The following PXDC1 variants were observed in gnomAD, a reference collection of about 807,000 sequenced individuals.
PXDC1 encodes PX domain-containing protein 1.
In PXDC1, 13 loss-of-function variants were observed where a neutral mutation model predicts 24.4. The ratio of observed to expected loss-of-function variants is 0.53; its 90% confidence interval spans 0.35 to 0.85. PXDC1 has a LOEUF of 0.85. PXDC1 is among the 40% of genes least tolerant of loss of function. The pLI, the probability that PXDC1 is intolerant of heterozygous loss-of-function variation, is 0.01. For missense variants in PXDC1, 344 were observed against 309.3 expected, an observed-to-expected ratio of 1.11 and a Z score of -0.84; for synonymous variants, 162 against 124.9, an observed-to-expected ratio of 1.30 and a Z score of -1.98.
At chr6:3,735,038 C>CA (rs1487980873) in intron 3 of PXDC1, among the ~76,000 whole-genome samples, 1 of 152,094 alleles carries the variant, frequency 6.6e-6, no homozygotes, top group Non-Finnish European at 1.5e-5. Flanking sequence ...CCAGCCTGGG[C>CA]AACAGAGGGA....
intron 3 of PXDC1, among the ~76,000 whole-genome samples, chr6:3,735,209 G>A (rs1026482004): frequency 4.6e-5 from 7 of 152,082 alleles, no homozygotes; most frequent in South Asian, 4.1e-4. Context: ...CAAAATATAC[G>A]ACAGAGCTAC....
At chr6:3,726,270 A>G (rs1210158018) in intron 4 of PXDC1, among the ~76,000 whole-genome samples, 1 of 152,148 alleles carries the variant, frequency 6.6e-6, no homozygotes, top group East Asian at 1.9e-4. Context: ...TTCATCCATG[A>G]CTACACTCCA....
intron 1 of PXDC1, chr6:3,738,934 C>A (rs905550659): frequency 4.5e-5 from 58 of 1,301,682 alleles, no homozygotes; most frequent in Non-Finnish European, 5.9e-5. Context: ...TGGCGTCTCC[C>A]CCACACTTGT....
rs4959868 is a variant in PXDC1, at chr6:3,724,547, C to T, written c.579-811G>A. ...CCCCAGGAAGGGGGACAGAGCTGTACGGCTCGTGGGATTTTCCTCCACCTA... is the reference window on the plus strand; with the variant it reads ...CCCCAGGAAGGGGGACAGAGCTGTATGGCTCGTGGGATTTTCCTCCACCTA... On this transcript the variant is annotated intron_variant, in intron 4 of 4. Transcript: ENST00000380283. This position sits in a 1 kb window ranked among gnomAD's most constrained non-coding sequence, Gnocchi z 4.5. Among the ~76,000 whole-genome samples the T allele has an allele frequency of 0.5, 75,722 of 152,006 alleles. 20,618 individuals carry two copies. Among genetic ancestry groups the T allele is most frequent in the Non-Finnish European group, 0.61 (41,535 of 67,958 alleles).
In PXDC1 at chr6:3,725,386, C is replaced by T. The variant is rs1341401414; in HGVS notation, c.579-1650G>A. ...CCTGGATGACCTCCCAGAAGCCAGG[C>T]AATCCCTTCGCCAGCTGAGACTGTC... On this transcript the variant is annotated intron_variant, in intron 4 of 4. Transcript: ENST00000380283. The surrounding 1 kb of genome is among the most constrained non-coding windows in gnomAD (Gnocchi z 4.8). Among the ~76,000 whole-genome samples the T allele has an allele frequency of 1.3e-5, 2 of 152,202 alleles. No individual in the cohort carries two copies. The highest frequency in any genetic ancestry group is 2.4e-5 in the African/African-American group (1 of 41,450).
chr6:3,751,298 C>G lies in PXDC1; in HGVS notation c.234G>C (p.Leu78=), dbSNP rs1760711512. 6.5e-7 allele frequency: 1 copy of G among 1,532,788 alleles called. No homozygotes were observed. The highest frequency in any genetic ancestry group is 2.5e-5 in the East Asian group (1 of 39,774). 94.9% of individuals were successfully genotyped at this position (1,532,788 alleles called of 1,614,324 possible). A position where few individuals can be genotyped will look rare whatever the true frequency, so the allele number is the denominator to read the frequency against. ...CACCTTGCCGCAGCGGCCCCTGCGC[C>G]AGTTCGGACCGGTCCTCGGGAAAGG... is the stretch of plus-strand genomic sequence containing the variant. ...RDAFPEDRSE[L]AQGPLRQGLV... Residue 78 remains leucine, a synonymous_variant, in exon 1 of 5, where the codon CTG becomes CTC. Transcript: ENST00000380283.
rs1356512462 is a variant in PXDC1 at position 3,722,935 on chromosome 6, A to T, written c.*684T>A. The T allele has an allele frequency of 6.6e-6, 1 of 152,392 alleles. No individual in the cohort carries two copies. The highest frequency in any genetic ancestry group is 1.5e-5 in the Non-Finnish European group (1 of 68,158). The allele number at this position is 152,392 out of a possible 1,614,324, so 9.4% of individuals were successfully genotyped here. ...GAAGAAATTCCTTTCCTTTGGGAAG[A>T]ACCACCAACGCTCAGTCCAAGCTCA... On this transcript the variant is annotated 3_prime_UTR_variant, in exon 5 of 5. Coordinates refer to ENST00000380283, the MANE Select transcript of PXDC1 (RefSeq NM_183373.4).
rs1345504475 is a variant in PXDC1 at position 3,737,626 on chromosome 6, G to T, written c.349-430C>A. On this transcript the variant is annotated intron_variant, in intron 2 of 4. Coordinates refer to ENST00000380283, the MANE Select transcript of PXDC1 (RefSeq NM_183373.4). The surrounding 1 kb of genome is among the most constrained non-coding windows in gnomAD (Gnocchi z 5.5). Reference sequence around the variant, plus strand: ...AAGCCCGCAGGCTTACATGGAAAGGGAGTTGACGGTCAAATCCGGGCAACG... The same window carrying T: ...AAGCCCGCAGGCTTACATGGAAAGGTAGTTGACGGTCAAATCCGGGCAACG... 25 of 984,402 alleles carry T rather than the reference G, an allele frequency of 2.5e-5. No homozygotes were observed. Among genetic ancestry groups the T allele is most frequent in the Non-Finnish European group, 3.0e-5 (25 of 829,114 alleles). The allele number at this position is 984,402 out of a possible 1,614,324, so 61.0% of individuals were successfully genotyped here.
At chr6:3,734,153 C>T (rs1760265016) in intron 3 of PXDC1, among the ~76,000 whole-genome samples, 1 of 152,198 alleles carries the variant, frequency 6.6e-6, no homozygotes, top group African/African-American at 2.4e-5. Flanking sequence ...ACGTTTCTCC[C>T]TGTTAAATTT....
intron 1 of PXDC1, among the ~76,000 whole-genome samples, chr6:3,747,664 A>G: frequency 6.6e-6 from 1 of 152,072 alleles, no homozygotes; most frequent in East Asian, 1.9e-4. Flanking sequence ...CACCCTGTCT[A>G]AACGCAAAAC....
intron 1 of PXDC1, among the ~76,000 whole-genome samples, chr6:3,746,941 C>G (rs1467716253): frequency 6.6e-6 from 1 of 152,152 alleles, no homozygotes; most frequent in Non-Finnish European, 1.5e-5. Flanking sequence ...TCCCAGATGC[C>G]AGTCCCCTGG....
At chr6:3,747,955 C>G (rs183246209) in intron 1 of PXDC1, among the ~76,000 whole-genome samples, 19 of 152,326 alleles carry the variant, frequency 1.2e-4, no homozygotes, top group Middle Eastern at 3.4e-3. Flanking sequence ...TGAAAGATCA[C>G]CTGACTACTC....
At chr6:3,751,011 C>T in intron 1 of PXDC1, 1 of 441,040 alleles carries the variant, frequency 2.3e-6, no homozygotes, top group Non-Finnish European at 4.0e-6. Flanking sequence ...GAGAGTCCGG[C>T]GCCCGCCCTG....
At position 3,751,561 on chromosome 6, in the gene PXDC1, C is replaced by T. The variant is rs1297283498; in HGVS notation, c.-30G>A. 1.3e-6 allele frequency: 2 copies of T among 1,496,714 alleles called. No individual in the cohort carries two copies. Among genetic ancestry groups the T allele is most frequent in the African/African-American group, 1.4e-5 (1 of 69,064 alleles). 92.7% of individuals were successfully genotyped at this position (1,496,714 alleles called of 1,614,324 possible). ...CACGCATGCCCCCGCCAAGGGCTCCCCAGCCCCGCCGCCCGCCCGCCCGCA... is the reference window on the plus strand; with the variant it reads ...CACGCATGCCCCCGCCAAGGGCTCCTCAGCCCCGCCGCCCGCCCGCCCGCA... On this transcript the variant is annotated 5_prime_UTR_variant, in exon 1 of 5. Coordinates refer to ENST00000380283, the MANE Select transcript of PXDC1 (RefSeq NM_183373.4).
intron 1 of PXDC1, among the ~76,000 whole-genome samples, chr6:3,744,203 C>A (rs950144935): frequency 2.6e-5 from 4 of 152,220 alleles, no homozygotes; most frequent in African/African-American, 7.2e-5. Flanking sequence ...TTAGCCAGTC[C>A]GTCCTGCAGC....
At position 3,730,781 on chromosome 6, in the gene PXDC1, T is replaced by C. The variant is rs143593338; in HGVS notation, c.467-3119A>G. On this transcript the variant is annotated intron_variant, in intron 3 of 4. Coordinates refer to ENST00000380283, the MANE Select transcript of PXDC1 (RefSeq NM_183373.4). ...CCTGACTTGTAACAAAATCCACTGA[T>C]AACTTGCCATGTGCCTTCGGCCAGA... Among the ~76,000 whole-genome samples the C allele has an allele frequency of 1.8e-4, 27 of 152,344 alleles. No individual in the cohort carries two copies. In the East Asian group the frequency reaches 4.1e-3, roughly 23 times the overall value.
At chr6:3,727,287 G>A (rs1760089870) in intron 4 of PXDC1, among the ~76,000 whole-genome samples, 1 of 152,180 alleles carries the variant, frequency 6.6e-6, no homozygotes, top group Non-Finnish European at 1.5e-5. Flanking sequence ...ACCCCTCAGG[G>A]CCCCACACGA....
intron 1 of PXDC1, among the ~76,000 whole-genome samples, chr6:3,750,225 G>A (rs1002917720): frequency 6.6e-6 from 1 of 152,248 alleles, no homozygotes; most frequent in African/African-American, 2.4e-5. Context: ...CAGATAGGAG[G>A]CTGGGGAGAC....
At chr6:3,727,072 C>T (rs942114735) in intron 4 of PXDC1, among the ~76,000 whole-genome samples, 1 of 152,206 alleles carries the variant, frequency 6.6e-6, no homozygotes, top group African/African-American at 2.4e-5. Flanking sequence ...GCCGGGCTCT[C>T]TAGAGCATGT....
Sources: gnomAD v4.1 joint callset for allele counts (sites outside exome capture counted in the v4.1 genomes callset) on GRCh38, gnomAD v4.1.1 for gene constraint, Gnocchi (gnomAD v3.1) non-coding constraint, MANE v1.5 for transcripts, NCBI Gene and HGNC (gene_info 2026-07-23, HGNC 2026-07-21) for gene names.